Variants in TRAF3 observed in about 807,000 individuals in gnomAD.
TRAF3 encodes the protein TNF receptor associated factor 3.
Under a neutral mutation model 62.3 loss-of-function variants are expected in TRAF3, and 13 were observed. The observed-to-expected ratio is 0.21, with a 90% CI of 0.14 to 0.33. The LOEUF (loss-of-function observed/expected upper bound fraction) is 0.33, where lower values mean the gene tolerates loss of function less well. Ranked by LOEUF, TRAF3 falls within the 10% of genes least tolerant of loss-of-function variation. The probability of loss-of-function intolerance (pLI) is 1.00; values close to 1 mark genes in which losing one functional copy is unlikely to be tolerated. For synonymous variants in TRAF3, 269 were observed against 283.4 expected (o/e 0.95, Z 0.51); for missense variants, 440 against 741.8 (o/e 0.59, Z 4.73).
chr14:102,871,362 G>A (rs748454795), intron 3 of TRAF3, among the ~76,000 whole-genome samples: 1 of 152,222 alleles, frequency 6.6e-6, no homozygotes, highest in Non-Finnish European at 1.5e-5. Context: ...ACAGAACACC[G>A]TGTCTCCTAA....
At chr14:102,875,818 C>CT in intron 5 of TRAF3, 90 bp downstream of exon 5, 2 of 1,107,248 alleles carry the variant, frequency 1.8e-6, no homozygotes, top group Non-Finnish European at 2.8e-6. Context: ...GGATGTGGCA[C>CT]TTTAAGACCA....
chr14:102,786,923 GGTCGAGGCTACA>G (rs375919615), intron 1 of TRAF3, among the ~76,000 whole-genome samples: 210 of 152,294 alleles, frequency 1.4e-3, no homozygotes, highest in African/African-American at 4.8e-3. Flanking sequence ...GAGCCCAGGA[GGTCGAGGCTACA>G]GTGAGGTGTT....
chr14:102,876,344 G>C lies in TRAF3; in HGVS notation c.403-14G>C. ...TTTTTCCCAATTAAGAACATTGAAT[G>C]GTCTGTCTTACAGGTGCATTTAAAA... On this transcript the variant is annotated splice_polypyrimidine_tract_variant and intron_variant, in intron 5 of 11. Coordinates refer to ENST00000392745, the MANE Select transcript of TRAF3 (RefSeq NM_145725.3). 6.2e-7 allele frequency: 1 copy of C among 1,613,732 alleles called. No homozygotes were observed. The highest frequency in any genetic ancestry group is 8.5e-7 in the Non-Finnish European group (1 of 1,179,784).
At chr14:102,893,552 C>T (rs1202469594) in intron 9 of TRAF3, among the ~76,000 whole-genome samples, 1 of 152,156 alleles carries the variant, frequency 6.6e-6, no homozygotes, top group East Asian at 1.9e-4. Context: ...TCCTTCCTTC[C>T]TGTTCTGTGC....
chr14:102,871,701 G>T (rs903769405), intron 3 of TRAF3, among the ~76,000 whole-genome samples: 2 of 152,220 alleles, frequency 1.3e-5, no homozygotes, highest in Non-Finnish European at 1.5e-5. Context: ...TGTTCTACTT[G>T]GTAACTTCCT....
At position 102,839,732 on chromosome 14, in the gene TRAF3, T is replaced by C. The variant is rs190260256; in HGVS notation, c.-18+9260T>C. Among the ~76,000 whole-genome samples, 522 of 152,354 alleles carry C rather than the reference T, an allele frequency of 3.4e-3. 3 individuals are homozygous for C. The highest frequency in any genetic ancestry group is 0.011 in the African/African-American group (470 of 41,590). Reference sequence around the variant, plus strand: ...TTTATTTAGTAATTAGAAGAAAGTTTTTATGTTCTCATAGTATCTTCCTGT... The same window carrying C: ...TTTATTTAGTAATTAGAAGAAAGTTCTTATGTTCTCATAGTATCTTCCTGT... On this transcript the variant is annotated intron_variant, in intron 2 of 11. Transcript: ENST00000392745.
intron 1 of TRAF3, among the ~76,000 whole-genome samples, chr14:102,809,560 T>C (rs1595308467): frequency 7.2e-6 from 1 of 138,302 alleles, no homozygotes; most frequent in Non-Finnish European, 1.5e-5. Flanking sequence ...TGAGACGGAG[T>C]CTTGCTCTGT....
At chr14:102,852,703 CAG>C (rs1323959812) in intron 2 of TRAF3, among the ~76,000 whole-genome samples, 1 of 151,706 alleles carries the variant, frequency 6.6e-6, no homozygotes, top group Non-Finnish European at 1.5e-5. Context: ...AAATTAAAAA[CAG>C]TTTGTTTTTT....
At position 102,907,366 on chromosome 14, in the gene TRAF3, C is replaced by A. The variant is rs1595419613; in HGVS notation, c.*1582C>A. 6.6e-6 allele frequency: 1 copy of A among 152,320 alleles called. No homozygotes were observed. Among genetic ancestry groups the A allele is most frequent in the Non-Finnish European group, 1.5e-5 (1 of 68,096 alleles). 9.4% of individuals were successfully genotyped at this position (152,320 alleles called of 1,614,324 possible). ...CCCGTCGTCCCAGCCTGTGCCTGCCCAGATGGCATTTTCTCAACTCACTGT... is the reference window on the plus strand; with the variant it reads ...CCCGTCGTCCCAGCCTGTGCCTGCCAAGATGGCATTTTCTCAACTCACTGT... On this transcript the variant is annotated 3_prime_UTR_variant, in exon 12 of 12. Transcript: ENST00000392745.
rs546278889 is a variant in TRAF3 at position 102,845,155 on chromosome 14, C to G, written c.-18+14683C>G. 5.7e-3 allele frequency among the ~76,000 whole-genome samples: 867 copies of G among 151,810 alleles called. 9 individuals carry two copies. The highest frequency in any genetic ancestry group is 9.9e-3 in the Admixed American group (151 of 15,236). ...TCGTGATCCACCCACCTCGGCCTCC[C>G]AAAGTGCTGGAATTACAGGCGTGAG... On this transcript the variant is annotated intron_variant, in intron 2 of 11. Coordinates refer to ENST00000392745, the MANE Select transcript of TRAF3 (RefSeq NM_145725.3).
intron 1 of TRAF3, among the ~76,000 whole-genome samples, chr14:102,799,900 A>C (rs1255007734): frequency 6.6e-6 from 1 of 152,014 alleles, no homozygotes; most frequent in Non-Finnish European, 1.5e-5. Context: ...GGAGGGTGAA[A>C]AATGCTGTGA....
At chr14:102,780,326 A>AT (rs1207967515) in intron 1 of TRAF3, among the ~76,000 whole-genome samples, 28 of 152,072 alleles carry the variant, frequency 1.8e-4, no homozygotes, top group African/African-American at 6.8e-4. Context: ...TAAATAGAAA[A>AT]GAAAAAAAAA....
intron 1 of TRAF3, among the ~76,000 whole-genome samples, chr14:102,807,462 G>T (rs953111960): frequency 6.6e-6 from 1 of 152,212 alleles, no homozygotes; most frequent in Admixed American, 6.5e-5. Context: ...TACTAGCCAT[G>T]TTTATTTTCT....
At chr14:102,868,518 C>T (rs565403833) in intron 2 of TRAF3, among the ~76,000 whole-genome samples, 3 of 152,234 alleles carry the variant, frequency 2.0e-5, no homozygotes, top group African/African-American at 4.8e-5. Context: ...GCAGAAGCCT[C>T]GTAAAGGTCG....
At chr14:102,863,093 C>A (rs7145509) in intron 2 of TRAF3, among the ~76,000 whole-genome samples, 64,455 of 152,082 alleles carry the variant, frequency 0.42, 18,804 homozygotes, top group African/African-American at 0.83. Context: ...TTCATCCATA[C>A]GTCTAATGCC....
At chr14:102,900,778 G>A (rs951252158) in intron 10 of TRAF3, among the ~76,000 whole-genome samples, 2 of 152,248 alleles carry the variant, frequency 1.3e-5, no homozygotes, top group Admixed American at 6.5e-5. Context: ...GCATGCAAGT[G>A]TATAAGGCTC....
chr14:102,865,226 T>A (rs1346812287), intron 2 of TRAF3, among the ~76,000 whole-genome samples: 3 of 152,172 alleles, frequency 2.0e-5, no homozygotes, highest in Admixed American at 2.0e-4. Flanking sequence ...AGGAGCCAGT[T>A]CAGTCCTGTG....
chr14:102,778,668 C>T (rs1020522551), intron 1 of TRAF3, among the ~76,000 whole-genome samples: 1 of 152,114 alleles, frequency 6.6e-6, no homozygotes, highest in African/African-American at 2.4e-5. Flanking sequence ...GTTGTAGCGG[C>T]TTCTTAATTT....
At position 102,826,630 on chromosome 14, in the gene TRAF3, GACATGTCATTT is replaced by G. The variant is rs1273304563; in HGVS notation, c.-156-3703_-156-3693del. Among the ~76,000 whole-genome samples the G allele has an allele frequency of 6.6e-6, 1 of 152,218 alleles. No homozygotes were observed. The highest frequency in any genetic ancestry group is 1.5e-5 in the Non-Finnish European group (1 of 68,030). ...AACAGCATAACATTGGCAGAGGTCT[GACATGTCATTT>G]CCTGTTACTAGAATTGGGGAGTGAC... On this transcript the variant is annotated intron_variant, in intron 1 of 11. Transcript: ENST00000392745. This position sits in a 1 kb window ranked among gnomAD's most constrained non-coding sequence, Gnocchi z 4.6.
Sources: allele counts gnomAD v4.1 joint callset (sites outside exome capture counted in the v4.1 genomes callset), GRCh38; gene constraint gnomAD v4.1.1; non-coding constraint Gnocchi (gnomAD v3.1); transcripts MANE v1.5; gene names NCBI Gene and HGNC (gene_info 2026-07-23, HGNC 2026-07-21).